Variants in RBFOX1 observed in about 807,000 individuals in gnomAD.
RBFOX1 encodes RNA binding protein fox-1 homolog 1.
RBFOX1 carries 8 observed loss-of-function variants against 57.7 expected under a neutral mutation model. The ratio of observed to expected loss-of-function variants is 0.14; its 90% CI spans 0.08 to 0.25. The LOEUF is 0.25. Ranked by LOEUF, RBFOX1 falls within the 10% of genes least tolerant of loss-of-function variation. The pLI, the probability that RBFOX1 is intolerant of heterozygous loss-of-function variation, is 1.00. For missense variants in RBFOX1, 611 were observed against 548.5 expected (o/e 1.11, Z -1.14); for synonymous variants, 326 against 222.4 (o/e 1.47, Z -4.15).
rs1156256075 is a variant in RBFOX1, at chr16:5,709,808, T to TA, written c.318+110847_318+110848insA. ...ATCTACTGGGTGTTGTATCAGTTTC[T>TA]TTATATATATATATATATATATATA... On this transcript the variant is annotated intron_variant, in intron 3 of 19. Transcript: ENST00000641259. Among the ~76,000 whole-genome samples, 28 of 29,836 alleles carry TA rather than the reference T, an allele frequency of 9.4e-4. 1 individual carries two copies. The highest frequency in any genetic ancestry group is 2.6e-3 in the African/African-American group (28 of 10,874). The allele number at this position is 29,836 out of a possible 152,430, so 19.6% of individuals were successfully genotyped here.
intron 3 of RBFOX1, among the ~76,000 whole-genome samples, chr16:6,655,418 T>A (rs2098642724): frequency 7.6e-6 from 1 of 130,932 alleles, no homozygotes; most frequent in Non-Finnish European, 1.6e-5. Flanking sequence ...TCGCGCTCAA[T>A]TTCCATCACA....
At chr16:5,622,867 G>A (rs559525606) in intron 3 of RBFOX1, among the ~76,000 whole-genome samples, 1 of 152,190 alleles carries the variant, frequency 6.6e-6, no homozygotes, top group African/African-American at 2.4e-5. Flanking sequence ...AACCCAACAT[G>A]TGCAGAGTTT....
chr16:6,933,492 C>T (rs896219794), intron 3 of RBFOX1, among the ~76,000 whole-genome samples: 1 of 152,196 alleles, frequency 6.6e-6, no homozygotes, highest in Non-Finnish European at 1.5e-5. Flanking sequence ...GCAGGCAGAT[C>T]ACCTGAGGTC....
intron 4 of RBFOX1, among the ~76,000 whole-genome samples, chr16:5,887,192 GA>G (rs1415868403): frequency 1.3e-5 from 2 of 152,210 alleles, no homozygotes; most frequent in Non-Finnish European, 2.9e-5. Context: ...GAAGACTTCA[GA>G]GATTAGTCCA....
chr16:5,242,708 T>C (rs2062197568), intron 1 of RBFOX1, among the ~76,000 whole-genome samples: 1 of 152,116 alleles, frequency 6.6e-6, no homozygotes, highest in Admixed American at 6.5e-5. Context: ...GCAGATTATT[T>C]TGGACTTTTC....
intron 14 of RBFOX1, among the ~76,000 whole-genome samples, chr16:7,704,190 A>C (rs2081660299): frequency 6.6e-6 from 1 of 152,184 alleles, no homozygotes. Flanking sequence ...CTGAATCTCC[A>C]AGCCCTCGGG....
At chr16:5,652,235 T>C (rs916867472) in intron 3 of RBFOX1, among the ~76,000 whole-genome samples, 1 of 152,226 alleles carries the variant, frequency 6.6e-6, no homozygotes, top group Non-Finnish European at 1.5e-5. Flanking sequence ...TAGCACTTTA[T>C]ATATTTGATT....
At chr16:5,694,456 C>T (rs1001754947) in intron 3 of RBFOX1, among the ~76,000 whole-genome samples, 1 of 152,152 alleles carries the variant, frequency 6.6e-6, no homozygotes, top group Non-Finnish European at 1.5e-5. Context: ...CTGAATGATA[C>T]CCACTTGGTC....
rs368664439 is a variant in RBFOX1 at position 6,259,882 on chromosome 16, AC to A, written c.-126-57110del. ...AGGCTGAGGCAGGAGAATTGCTTGA[AC>A]CCGAGAGATGGAGGGTGCTGTGAGC... On this transcript the variant is annotated intron_variant, in intron 1 of 15. Transcript: ENST00000550418. Among the ~76,000 whole-genome samples, 267 of 150,134 alleles carry A rather than the reference AC, an allele frequency of 1.8e-3. 1 individual carries two copies. The highest frequency in any genetic ancestry group is 6.0e-3 in the African/African-American group (244 of 40,740).
At chr16:6,877,493 C>G (rs749856129) in intron 3 of RBFOX1, among the ~76,000 whole-genome samples, 26 of 152,256 alleles carry the variant, frequency 1.7e-4, no homozygotes, top group Non-Finnish European at 3.8e-4. Flanking sequence ...AAAATGCCTA[C>G]TTACTGTGGC....
intron 4 of RBFOX1, among the ~76,000 whole-genome samples, chr16:7,473,813 C>T (rs2062051480): frequency 6.6e-6 from 1 of 152,068 alleles, no homozygotes; most frequent in Non-Finnish European, 1.5e-5. Flanking sequence ...CTACTAATTG[C>T]TTTCTTCATA....
intron 1 of RBFOX1, among the ~76,000 whole-genome samples, chr16:5,432,615 TAAAA>T (rs373978124): frequency 7.3e-6 from 1 of 136,252 alleles, no homozygotes. Flanking sequence ...AATAAATGGG[TAAAA>T]AAAAAAATCA....
intron 1 of RBFOX1, among the ~76,000 whole-genome samples, chr16:6,144,795 A>T (rs1263106518): frequency 6.6e-6 from 1 of 152,178 alleles, no homozygotes; most frequent in Admixed American, 6.5e-5. Flanking sequence ...GCTCAGATAG[A>T]TGTTTTTGAT....
At chr16:6,462,200 G>A (rs2094935626) in intron 2 of RBFOX1, among the ~76,000 whole-genome samples, 1 of 152,104 alleles carries the variant, frequency 6.6e-6, no homozygotes, top group Non-Finnish European at 1.5e-5. Context: ...TTAATGTGTG[G>A]CCTCCTCCCC....
At position 6,019,696 on chromosome 16, in the gene RBFOX1, C is replaced by T. The variant is rs1206758281; in HGVS notation, c.-423C>T. 2.2e-6 allele frequency: 3 copies of T among 1,342,026 alleles called. No individual in the cohort carries two copies. Among genetic ancestry groups the T allele is most frequent in the African/African-American group, 1.5e-5 (1 of 65,342 alleles). The allele number at this position is 1,342,026 out of a possible 1,614,324, so 83.1% of individuals were successfully genotyped here. A position where few individuals can be genotyped will look rare whatever the true frequency, so the allele number is the denominator to read the frequency against. Reference sequence around the variant, plus strand: ...GAGCAGGAGAACTCCGAGCTTCTTGCCCAGGCAGAGAGAGCAGGAGCGGAC... The same window carrying T: ...GAGCAGGAGAACTCCGAGCTTCTTGTCCAGGCAGAGAGAGCAGGAGCGGAC... On this transcript the variant is annotated 5_prime_UTR_variant, in exon 1 of 16. Transcript: ENST00000550418. The surrounding 1 kb of genome is among the most constrained non-coding windows in gnomAD (Gnocchi z 4.2).
At chr16:6,992,923 T>C (rs2091732236) in intron 3 of RBFOX1, among the ~76,000 whole-genome samples, 1 of 151,968 alleles carries the variant, frequency 6.6e-6, no homozygotes, top group East Asian at 1.9e-4. Context: ...GGAATTATAA[T>C]GGATTTCATT....
intron 1 of RBFOX1, among the ~76,000 whole-genome samples, chr16:6,280,639 G>A (rs1046504495): frequency 5.3e-5 from 8 of 152,056 alleles, no homozygotes; most frequent in African/African-American, 1.7e-4. Flanking sequence ...AGCCCCACGA[G>A]CCAGAATATA....
At chr16:7,245,425 C>A (rs934877493) in intron 4 of RBFOX1, among the ~76,000 whole-genome samples, 1 of 149,446 alleles carries the variant, frequency 6.7e-6, no homozygotes, top group African/African-American at 2.5e-5. Flanking sequence ...CAACCCGTCA[C>A]CTAGTATTAG....
chr16:7,203,768 C>G (rs1281211919), intron 4 of RBFOX1, among the ~76,000 whole-genome samples: 1 of 152,174 alleles, frequency 6.6e-6, no homozygotes, highest in African/African-American at 2.4e-5. Flanking sequence ...TTCTCGAAAT[C>G]TCCTCATAAC....
Sources: allele counts gnomAD v4.1 joint callset (sites outside exome capture counted in the v4.1 genomes callset), GRCh38; gene constraint gnomAD v4.1.1; non-coding constraint Gnocchi (gnomAD v3.1); transcripts MANE v1.5; gene names NCBI Gene and HGNC (gene_info 2026-07-23, HGNC 2026-07-21).